Variants in FLNB observed in about 807,000 individuals in gnomAD.
FLNB encodes filamin B.
A neutral mutation model predicts 250.6 loss-of-function variants in FLNB; 111 were observed. The observed-to-expected ratio is 0.44, with a 90% CI of 0.38 to 0.52. FLNB has a LOEUF of 0.52. Ranked by LOEUF, FLNB falls within the 20% of genes least tolerant of loss-of-function variation. The pLI is 0.00. For synonymous variants in FLNB, 1,302 were observed against 1,372.1 expected, an observed-to-expected ratio of 0.95 and a Z score of 1.13; for missense variants, 2,869 against 3,447.8, an observed-to-expected ratio of 0.83 and a Z score of 4.20.
intron 1 of FLNB, among the ~76,000 whole-genome samples, chr3:58,046,686 G>C (rs897282850): frequency 6.6e-6 from 1 of 152,040 alleles, no homozygotes; most frequent in East Asian, 1.9e-4. Flanking sequence ...CGCCTGCCTT[G>C]GCCTCCCAAA....
At chr3:58,019,495 T>C (rs2097110606) in intron 1 of FLNB, among the ~76,000 whole-genome samples, 4 of 152,218 alleles carry the variant, frequency 2.6e-5, no homozygotes, top group Admixed American at 2.6e-4. Context: ...GTTTCCATTT[T>C]ACAGATGAGA....
At chr3:58,060,831 A>AAAC (rs1243330017) in intron 1 of FLNB, among the ~76,000 whole-genome samples, 1 of 149,450 alleles carries the variant, frequency 6.7e-6, no homozygotes, top group Non-Finnish European at 1.5e-5. Context: ...AAGAAAAGAA[A>AAAC]AACATGCCCA....
chr3:58,083,814 A>G (rs897390739), intron 4 of FLNB, among the ~76,000 whole-genome samples: 3 of 152,146 alleles, frequency 2.0e-5, no homozygotes, highest in African/African-American at 7.2e-5. Context: ...GTGAGACATC[A>G]CTTGTGTTAT....
rs78410640 is a variant in FLNB, at chr3:58,140,587, C to A, written c.5110-1271C>A. 8.9e-3 allele frequency among the ~76,000 whole-genome samples: 1,357 copies of A among 152,214 alleles called. 12 individuals are homozygous for A. Among genetic ancestry groups the A allele is most frequent in the Middle Eastern group, 0.024 (7 of 294 alleles). On this transcript the variant is annotated intron_variant, in intron 29 of 45. Transcript: ENST00000295956. ...GAGAGGGGTTCCCTTGCTGTTGGTT[C>A]TGTTGAATCAGGAGCATTAAATCTT...
intron 36 of FLNB, chr3:58,149,175 C>T: frequency 5.2e-6 from 2 of 384,258 alleles, no homozygotes; most frequent in South Asian, 2.3e-5. Context: ...CAGCGTCTCT[C>T]CAAGCAAAGA....
At chr3:58,062,409 A>G (rs1056109494) in intron 1 of FLNB, among the ~76,000 whole-genome samples, 3 of 152,310 alleles carry the variant, frequency 2.0e-5, no homozygotes, top group South Asian at 4.1e-4. Flanking sequence ...TTATTTAACC[A>G]CTTACTGTCA....
intron 36 of FLNB, 107 bp downstream of exon 36, chr3:58,148,959 C>A (rs1458085464): frequency 1.4e-5 from 14 of 1,010,848 alleles, no homozygotes; most frequent in Non-Finnish European, 1.8e-5. Flanking sequence ...TTCTGAGCAT[C>A]CTTCAAGCTA....
intron 42 of FLNB, chr3:58,162,718 C>T (rs561310717): frequency 3.7e-4 from 86 of 235,602 alleles, no homozygotes; most frequent in Non-Finnish European, 5.3e-4. Flanking sequence ...TAAGCCGCTG[C>T]GGAGCCTTAA....
intron 12 of FLNB, 50 bp from the exon 13 acceptor site, chr3:58,108,408 T>G: frequency 8.5e-7 from 1 of 1,175,416 alleles, no homozygotes; most frequent in Non-Finnish European, 1.3e-6. Context: ...GTATAAGGGT[T>G]TAGTTGGGGC....
At chr3:58,025,214 C>T (rs564791858) in intron 1 of FLNB, among the ~76,000 whole-genome samples, 93 of 149,532 alleles carry the variant, frequency 6.2e-4, no homozygotes, top group African/African-American at 2.3e-3. Context: ...ATTGCAGCCT[C>T]GACCTCCAGG....
chr3:58,154,949 A>G (rs1027806343), intron 40 of FLNB, 21 bp downstream of exon 40: 1 of 1,612,414 alleles, frequency 6.2e-7, no homozygotes, highest in South Asian at 1.1e-5. Flanking sequence ...AGGGTTCACA[A>G]GAGGACATTT....
chr3:58,152,854 C>T (rs544879495), intron 38 of FLNB: 50 of 684,790 alleles, frequency 7.3e-5, no homozygotes, highest in East Asian at 2.0e-4. Flanking sequence ...GTTGGCATGA[C>T]GTGAGCAGCT....
rs367595903 is a variant in FLNB, at chr3:58,169,839, C to T, written c.7621+46C>T. ...AAGGGTGGGGTGGGGCAGGGGCAGG[C>T]TGGGCACCCTGGGTACACTGGCCTT... On this transcript the variant is annotated intron_variant, in intron 45 of 45. Transcript: ENST00000295956. This position sits in a 1 kb window ranked among gnomAD's most constrained non-coding sequence, Gnocchi z 4.8. 1.1e-5 allele frequency: 16 copies of T among 1,492,134 alleles called. No homozygotes were observed. The African/African-American group carries it at 2.2e-4, about 21-fold the overall frequency. 92.4% of individuals were successfully genotyped at this position (1,492,134 alleles called of 1,614,324 possible). A position where few individuals can be genotyped will look rare whatever the true frequency, so the allele number is the denominator to read the frequency against.
chr3:58,141,559 C>T (rs113162507), intron 29 of FLNB, among the ~76,000 whole-genome samples: 3 of 152,148 alleles, frequency 2.0e-5, no homozygotes, highest in Admixed American at 1.3e-4. Flanking sequence ...TAGTTTTGCA[C>T]GACCACAGAC....
intron 26 of FLNB, 82 bp downstream of exon 26, chr3:58,133,013 A>T: frequency 6.8e-7 from 1 of 1,467,494 alleles, no homozygotes; most frequent in Non-Finnish European, 9.3e-7. Flanking sequence ...CCATCCACCC[A>T]TCCGTTCCTC....
intron 25 of FLNB, chr3:58,132,317 C>A: frequency 2.3e-6 from 1 of 443,124 alleles, no homozygotes; most frequent in East Asian, 4.8e-5. Flanking sequence ...TGCACCTATG[C>A]CCCAGCATGC....
intron 38 of FLNB, among the ~76,000 whole-genome samples, chr3:58,151,894 T>C (rs1265319652): frequency 1.3e-5 from 2 of 151,966 alleles, no homozygotes. Flanking sequence ...TTCTCCATAC[T>C]CCCCCACCAG....
chr3:58,029,854 C>T (rs535765473), intron 1 of FLNB, among the ~76,000 whole-genome samples: 2 of 75,912 alleles, frequency 2.6e-5, no homozygotes, highest in East Asian at 8.3e-4. Flanking sequence ...GGGATTGAAT[C>T]TGGAATTGAC....
At chr3:58,063,724 C>T (rs912407922) in intron 1 of FLNB, among the ~76,000 whole-genome samples, 1 of 152,170 alleles carries the variant, frequency 6.6e-6, no homozygotes, top group Non-Finnish European at 1.5e-5. Flanking sequence ...GCCATCTCTA[C>T]AGCAGGCTAA....
Sources: allele counts gnomAD v4.1 joint callset (sites outside exome capture counted in the v4.1 genomes callset), GRCh38; gene constraint gnomAD v4.1.1; non-coding constraint Gnocchi (gnomAD v3.1); transcripts MANE v1.5; gene names NCBI Gene and HGNC (gene_info 2026-07-23, HGNC 2026-07-21).